The following BICRA variants were observed in gnomAD, a reference collection of about 807,000 sequenced individuals.
The protein encoded by BICRA is BRD4-interacting chromatin-remodeling complex-associated protein.
A neutral mutation model predicts 96.9 loss-of-function variants in BICRA; 31 were observed. The ratio of observed to expected loss-of-function variants is 0.32; its 90% CI spans 0.24 to 0.43. The LOEUF is 0.43. BICRA is among the 20% of genes least tolerant of loss of function. BICRA has a pLI of 1.00. For missense variants in BICRA, 2,283 were observed against 2,190.3 expected (o/e 1.04, Z -0.84); for synonymous variants, 1,350 against 1,071.8 (o/e 1.26, Z -5.07).
At chr19:47,610,150 G>T (rs1174897804) in intron 1 of BICRA, among the ~76,000 whole-genome samples, 2 of 152,126 alleles carry the variant, frequency 1.3e-5, no homozygotes, top group Non-Finnish European at 2.9e-5. Flanking sequence ...CGGCCTCCCC[G>T]GGCCCCTGCG....
intron 1 of BICRA, among the ~76,000 whole-genome samples, chr19:47,656,998 A>G (rs1972628259): frequency 6.6e-6 from 1 of 152,018 alleles, no homozygotes; most frequent in Non-Finnish European, 1.5e-5. Flanking sequence ...AGTAGCTGGG[A>G]CTACAGGTGC....
At chr19:47,690,291 C>G (rs1043200647) in intron 7 of BICRA, among the ~76,000 whole-genome samples, 8 of 152,166 alleles carry the variant, frequency 5.3e-5, no homozygotes, top group South Asian at 2.1e-4. Flanking sequence ...TGTGAGCCAC[C>G]GCGCCCGGCC....
At chr19:47,689,141 C>G (rs918290762) in intron 7 of BICRA, among the ~76,000 whole-genome samples, 2 of 151,718 alleles carry the variant, frequency 1.3e-5, no homozygotes, top group Non-Finnish European at 2.9e-5. Context: ...TTTGTTTTTT[C>G]TAAGACAAAT....
intron 10 of BICRA, 76 bp downstream of exon 10, chr19:47,695,550 A>T: frequency 4.2e-6 from 3 of 712,592 alleles, no homozygotes; most frequent in Non-Finnish European, 7.5e-6. Flanking sequence ...TGGCAGGGGC[A>T]GGGAGACACT....
chr19:47,617,183 T>C (rs1971998174), intron 1 of BICRA, among the ~76,000 whole-genome samples: 1 of 152,164 alleles, frequency 6.6e-6, no homozygotes, highest in Non-Finnish European at 1.5e-5. Context: ...GCTATATTGC[T>C]CAGGCTGGTC....
intron 1 of BICRA, chr19:47,615,743 TTGGA>T (rs1971975229): frequency 6.6e-6 from 1 of 152,096 alleles, no homozygotes; most frequent in Non-Finnish European, 1.5e-5. Context: ...TTGGCAGGTG[TTGGA>T]TGGAATGCTG....
intron 2 of BICRA, among the ~76,000 whole-genome samples, chr19:47,671,357 A>G (rs1457483613): frequency 6.6e-6 from 1 of 152,080 alleles, no homozygotes; most frequent in Non-Finnish European, 1.5e-5. Context: ...TTGGGTGGGA[A>G]TGGTGACCCG....
At position 47,680,131 on chromosome 19, in the gene BICRA, T is replaced by C. The variant is rs1973011665; in HGVS notation, c.961T>C (p.Ser321Pro). The change falls in exon 6 of 15, where the codon TCG becomes CCG. Residue 321 changes from serine to proline, a missense_variant. Transcript: ENST00000594866. ...GAASAPTGTPSGQPLAVAPGL... is the reference protein window; with the variant it reads ...GAASAPTGTPPGQPLAVAPGL... ...CGCCTCGGCTCCCACCGGGACGCCC[T>C]CGGGACAGCCGCTGGCGGTGGCCCC... The C allele has an allele frequency of 6.5e-7, 1 of 1,527,996 alleles. No homozygotes were observed. Among genetic ancestry groups the C allele is most frequent in the Non-Finnish European group, 8.7e-7 (1 of 1,148,080 alleles). The allele number at this position is 1,527,996 out of a possible 1,614,324, so 94.7% of individuals were successfully genotyped here.
chr19:47,681,334 G>T, intron 6 of BICRA, 58 bp downstream of exon 6: 1 of 1,454,790 alleles, frequency 6.9e-7, no homozygotes, highest in Non-Finnish European at 9.3e-7. Context: ...GGAGGAAGAG[G>T]GGTCCTGGGG....
chr19:47,694,493 G>T lies in BICRA; in HGVS notation c.2662G>T (p.Val888Leu). Residue 888 changes from valine to leucine, a missense_variant, in exon 8 of 15, where the codon GTG becomes TTG. By Grantham distance (32) the Val-to-Leu change is conservative. Transcript: ENST00000594866. The stretch of plus-strand genomic sequence containing the variant: ...CCCTCCATCCTCCACCTCCTCTGCT[G>T]TGGCCTCCTCCTCTGAGACGTCCTC... ...HLPPSSTSSA[V>L]ASSSETSSRL... 1 of 1,544,316 alleles carries T rather than the reference G, an allele frequency of 6.5e-7. No homozygotes were observed.
chr19:47,693,971 T>C, intron 7 of BICRA, 144 bp from the exon 8 acceptor site: 1 of 950,656 alleles, frequency 1.1e-6, no homozygotes, highest in Admixed American at 3.3e-5. Flanking sequence ...AGGGCAGCCG[T>C]GGTGGGCTCC....
chr19:47,618,443 A>G (rs1211814144), intron 1 of BICRA, among the ~76,000 whole-genome samples: 1 of 152,148 alleles, frequency 6.6e-6, no homozygotes, highest in African/African-American at 2.4e-5. Flanking sequence ...GATGTTTTGC[A>G]AGTGCCTGGC....
chr19:47,624,943 C>T (rs966296661), intron 1 of BICRA, among the ~76,000 whole-genome samples: 1 of 149,784 alleles, frequency 6.7e-6, no homozygotes, highest in Non-Finnish European at 1.5e-5. Flanking sequence ...ATCCTCCTGA[C>T]TCAGTCTCCC....
Position 47,681,126 on chromosome 19 carries a change from C to A in BICRA, c.1956C>A (p.Thr652=). 1.3e-6 allele frequency: 2 copies of A among 1,499,090 alleles called. No homozygotes were observed. The highest frequency in any genetic ancestry group is 8.9e-7 in the Non-Finnish European group (1 of 1,119,928). The allele number at this position is 1,499,090 out of a possible 1,614,324, so 92.9% of individuals were successfully genotyped here. ...CGCAGCAGCCCCCGCAGGCCCCCAC[C>A]CCACAGGCCGCCGCCCCGCCTCAGG... ...PQAQQPPQAP[T]PQAAAPPQAT... The change falls in exon 6 of 15, where the codon ACC becomes ACA. Residue 652 remains threonine (T), a synonymous_variant. Transcript: ENST00000594866.
At chr19:47,687,262 C>T (rs1018657122) in intron 7 of BICRA, among the ~76,000 whole-genome samples, 12 of 152,080 alleles carry the variant, frequency 7.9e-5, no homozygotes, top group African/African-American at 2.9e-4. Context: ...TATTTAAGGA[C>T]ACTGAAATTG....
At chr19:47,642,550 A>T (rs979459245) in intron 1 of BICRA, among the ~76,000 whole-genome samples, 9 of 151,958 alleles carry the variant, frequency 5.9e-5, no homozygotes, top group Non-Finnish European at 2.9e-5. Context: ...AAATACAAAA[A>T]AATTAGCCAA....
intron 1 of BICRA, among the ~76,000 whole-genome samples, chr19:47,664,545 T>C (rs535511584): frequency 4.6e-5 from 7 of 152,284 alleles, no homozygotes; most frequent in African/African-American, 1.2e-4. Context: ...CTCCTTTTCC[T>C]GTAAGATGTG....
chr19:47,635,106 A>T lies in BICRA; in HGVS notation c.-108+25938A>T, dbSNP rs1185194811. ...AATAATGCCTGATACATCAAAAGCAACATAAATGTTAGCTGCTGTTATTAT... is the reference window on the plus strand; with the variant it reads ...AATAATGCCTGATACATCAAAAGCATCATAAATGTTAGCTGCTGTTATTAT... On this transcript the variant is annotated intron_variant, in intron 1 of 14. Coordinates refer to ENST00000594866, the MANE Select transcript of BICRA (RefSeq NM_001394372.1). 2.6e-5 allele frequency among the ~76,000 whole-genome samples: 4 copies of T among 152,290 alleles called. No individual in the cohort carries two copies. The South Asian group carries it at 8.3e-4, about 32-fold the overall frequency.
chr19:47,702,077 C>T lies in BICRA; in HGVS notation c.4345C>T (p.Pro1449Ser). 2 of 1,512,494 alleles carry T rather than the reference C, an allele frequency of 1.3e-6. No homozygotes were observed. Among genetic ancestry groups the T allele is most frequent in the Non-Finnish European group, 1.8e-6 (2 of 1,138,774 alleles). 93.7% of individuals were successfully genotyped at this position (1,512,494 alleles called of 1,614,324 possible). ...CCAGCGTATGCTGAAGGGCCCCCCGCCAGAGCCCGCAGCCAGCGCCGCCCA... is the reference window on the plus strand; with the variant it reads ...CCAGCGTATGCTGAAGGGCCCCCCGTCAGAGCCCGCAGCCAGCGCCGCCCA... Reference protein sequence around the residue: ...LYQRMLKGPPPEPAASAAQGT... With the variant: ...LYQRMLKGPPSEPAASAAQGT... The change falls in exon 15 of 15, where the codon CCA becomes TCA. Residue 1449 changes from proline to serine, a missense_variant. Physicochemically the swap from Pro to Ser is moderately conservative, Grantham distance 74. Transcript: ENST00000594866.
Sources: gnomAD v4.1 joint callset for allele counts (sites outside exome capture counted in the v4.1 genomes callset) on GRCh38, gnomAD v4.1.1 for gene constraint, MANE v1.5 for transcripts, NCBI Gene and HGNC (gene_info 2026-07-23, HGNC 2026-07-21) for gene names.